FBXO43: variants seen among roughly 807,000 people sequenced by gnomAD.
FBXO43 encodes F-box only protein 43.
FBXO43 carries 22 observed loss-of-function variants against 56.7 expected under a neutral mutation model. That is an observed-to-expected ratio of 0.39 (90% CI 0.28 to 0.55). The LOEUF is 0.55. Ranked by LOEUF, FBXO43 falls within the 20% of genes least tolerant of loss-of-function variation. The pLI is 0.66. For synonymous variants in FBXO43, 306 were observed against 294.5 expected, an observed-to-expected ratio of 1.04 and a Z score of -0.40; for missense variants, 733 against 814.9, an observed-to-expected ratio of 0.90 and a Z score of 1.22.
intron 2 of FBXO43, 141 bp downstream of exon 2, chr8:100,140,542 C>T (rs969110513): frequency 2.1e-5 from 14 of 669,412 alleles, no homozygotes; most frequent in South Asian, 4.2e-5. Flanking sequence ...TCTGTTGGGA[C>T]GTTCACTTAA....
Position 100,141,571 on chromosome 8 carries a change from G to T in FBXO43, c.683C>A (p.Ser228Tyr). ...SCSQKLRLNF[S>Y]QQKTSTIDDS... ...ATCAATTGTGGAAGTCTTTTGCTGA[G>T]AAAAATTAAGCCTCAATTTTTGACT... Residue 228 changes from serine (S) to tyrosine (Y), a missense_variant, in exon 2 of 5, where the codon TCT (serine) becomes TAT (tyrosine). Ser to Tyr is a moderately radical substitution (Grantham distance 144). Coordinates refer to ENST00000428847, the MANE Select transcript of FBXO43 (RefSeq NM_001029860.4). 1 of 1,611,470 alleles carries T rather than the reference G, an allele frequency of 6.2e-7. No individual in the cohort carries two copies. Among genetic ancestry groups the T allele is most frequent in the Non-Finnish European group, 8.5e-7 (1 of 1,180,002 alleles).
At chr8:100,144,854 C>T (rs975689941) in intron 1 of FBXO43, among the ~76,000 whole-genome samples, 197 bp downstream of exon 1, 4 of 151,322 alleles carry the variant, frequency 2.6e-5, no homozygotes, top group East Asian at 1.9e-4. Flanking sequence ...ATGGCGTGAA[C>T]CCGGGAGGTG....
intron 2 of FBXO43, among the ~76,000 whole-genome samples, chr8:100,140,132 A>G (rs893021045): frequency 1.3e-5 from 2 of 152,238 alleles, no homozygotes; most frequent in African/African-American, 4.8e-5. Flanking sequence ...CAAGAACTTT[A>G]TTCAGAAAAA....
At chr8:100,144,628 G>GAA (rs912423794) in intron 1 of FBXO43, among the ~76,000 whole-genome samples, 7,343 of 113,226 alleles carry the variant, frequency 0.065, 566 homozygotes, top group African/African-American at 0.19. Flanking sequence ...TGTTCTTTAA[G>GAA]AAAAAAAAAA....
intron 1 of FBXO43, 122 bp from the exon 2 acceptor site, chr8:100,142,290 G>T: frequency 3.0e-6 from 3 of 988,002 alleles, no homozygotes; most frequent in South Asian, 2.9e-5. Context: ...TTTTTGAAAA[G>T]TTACTTTAAA....
Position 100,141,100 on chromosome 8 carries a change from G to A in FBXO43, c.1154C>T (p.Ser385Phe), listed in dbSNP as rs1814631648. ...TRHLGRSRRL[S>F]TLREQSSQSE... ...CTGCGAGCTTTGTTCCCGAAGGGTGGACAGTCTTCTCGACCTTCCAAGATG... is the reference window on the plus strand; with the variant it reads ...CTGCGAGCTTTGTTCCCGAAGGGTGAACAGTCTTCTCGACCTTCCAAGATG... The change falls in exon 2 of 5, where the codon TCC (serine) becomes TTC (phenylalanine). Residue 385 changes from serine to phenylalanine, a missense_variant. Physicochemically the swap from Ser to Phe is radical, Grantham distance 155. Coordinates refer to ENST00000428847, the MANE Select transcript of FBXO43 (RefSeq NM_001029860.4). 1.2e-6 allele frequency: 2 copies of A among 1,614,168 alleles called. No homozygotes were observed. Among genetic ancestry groups the A allele is most frequent in the East Asian group, 2.2e-5 (1 of 44,880 alleles).
Position 100,141,603 on chromosome 8 carries a change from A to C in FBXO43, c.651T>G (p.Thr217=). The change falls in exon 2 of 5, where the codon ACT becomes ACG. Residue 217 remains threonine (T), a synonymous_variant. Coordinates refer to ENST00000428847, the MANE Select transcript of FBXO43 (RefSeq NM_001029860.4). ...TAAGCCTCAATTTTTGACTGCATGAAGTCACTTCTTCTGTTTTTAAAGTGC... is the reference window on the plus strand; with the variant it reads ...TAAGCCTCAATTTTTGACTGCATGACGTCACTTCTTCTGTTTTTAAAGTGC... ...VTSTLKTEEV[T]SCSQKLRLNF... The C allele has an allele frequency of 8.1e-6, 13 of 1,612,696 alleles. No individual in the cohort carries two copies. The highest frequency in any genetic ancestry group is 1.1e-5 in the Non-Finnish European group (13 of 1,179,988).
In FBXO43 at chr8:100,133,607, A is replaced by G. The variant is rs933325733; in HGVS notation, c.*195T>C. On this transcript the variant is annotated 3_prime_UTR_variant, in exon 5 of 5. Coordinates refer to ENST00000428847, the MANE Select transcript of FBXO43 (RefSeq NM_001029860.4). ...AAATACCAAGTTATTAAAATGGGTA[A>G]AATGACATAGTAAAATAAAATTTTT... is the stretch of plus-strand genomic sequence containing the variant. 1 of 521,290 alleles carries G rather than the reference A, an allele frequency of 1.9e-6. No individual in the cohort carries two copies. The allele number at this position is 521,290 out of a possible 1,614,324, so 32.3% of individuals were successfully genotyped here. A position where few individuals can be genotyped will look rare whatever the true frequency, so the allele number is the denominator to read the frequency against.
chr8:100,142,275 G>T, intron 1 of FBXO43, 107 bp from the exon 2 acceptor site: 2 of 1,059,764 alleles, frequency 1.9e-6, no homozygotes, highest in Non-Finnish European at 2.5e-6. Context: ...AAAATTGTAT[G>T]ACAATTTTTG....
Position 100,133,760 on chromosome 8 carries a change from A to G in FBXO43, c.*42T>C, listed in dbSNP as rs775003507. 2 of 1,552,478 alleles carry G rather than the reference A, an allele frequency of 1.3e-6. No individual in the cohort carries two copies. Among genetic ancestry groups the G allele is most frequent in the Non-Finnish European group, 1.7e-6 (2 of 1,151,764 alleles). On this transcript the variant is annotated 3_prime_UTR_variant, in exon 5 of 5. Transcript: ENST00000428847. ...CAAAATATTCATAATTTTAAGTCAG[A>G]TAAATAGAACACTGCATGGGGGAGT...
At position 100,145,423 on chromosome 8, in the gene FBXO43, G is replaced by A. The variant is rs1814800765; in HGVS notation, c.-288C>T. On this transcript the variant is annotated 5_prime_UTR_variant, in exon 1 of 5. Transcript: ENST00000428847. ...TGCAGCCTGGCACTGACTCCCCCGA[G>A]GAGCTATGGCGGGCGGGTGGGTAAC... 3.6e-6 allele frequency: 1 copy of A among 275,772 alleles called. No individual in the cohort carries two copies. Among genetic ancestry groups the A allele is most frequent in the East Asian group, 6.9e-5 (1 of 14,482 alleles). 17.1% of individuals were successfully genotyped at this position (275,772 alleles called of 1,614,324 possible).
chr8:100,150,476 C>G (rs941144821), upstream of FBXO43: 1 of 152,252 alleles, frequency 6.6e-6, no homozygotes, highest in South Asian at 2.1e-4. Flanking sequence ...ATTAAAATAG[C>G]TGGGGACCAG....
At chr8:100,136,975 A>G (rs1205377528) in intron 3 of FBXO43, 1 of 152,298 alleles carries the variant, frequency 6.6e-6, no homozygotes, top group Non-Finnish European at 1.5e-5. Flanking sequence ...CATTATAATT[A>G]GGATCCAGCA....
intron 2 of FBXO43, 134 bp downstream of exon 2, chr8:100,140,549 T>C: frequency 1.4e-6 from 1 of 709,626 alleles, no homozygotes; most frequent in South Asian, 2.1e-5. Flanking sequence ...GGACGTTCAC[T>C]TAAACTATCT....
upstream of FBXO43, among the ~76,000 whole-genome samples, chr8:100,145,951 C>T (rs1353989876): frequency 6.6e-6 from 1 of 152,228 alleles, no homozygotes; most frequent in East Asian, 1.9e-4. Flanking sequence ...GGAGGAGCGC[C>T]CCCTCTCTCG....
intron 2 of FBXO43, among the ~76,000 whole-genome samples, chr8:100,138,146 G>A (rs534527276): frequency 1.3e-3 from 193 of 152,164 alleles, no homozygotes; most frequent in Non-Finnish European, 2.3e-3. Flanking sequence ...ATTATGGGTC[G>A]CACCACAGAG....
rs1036328591 is a variant in FBXO43 at position 100,141,886 on chromosome 8, G to C, written c.368C>G (p.Thr123Ser). The change falls in exon 2 of 5, where the codon ACT becomes AGT. Residue 123 changes from threonine (T) to serine (S), a missense_variant. Transcript: ENST00000428847. Reference protein sequence around the residue: ...LGLTHPLESPTQKKKCILPRK... With the variant: ...LGLTHPLESPSQKKKCILPRK... Reference sequence around the variant, plus strand: ...AGGCAAGATACATTTCTTTTTTTGAGTGGGAGATTCTAAAGGATGTGTTAA... The same window carrying C: ...AGGCAAGATACATTTCTTTTTTTGACTGGGAGATTCTAAAGGATGTGTTAA... 4.4e-6 allele frequency: 7 copies of C among 1,588,576 alleles called. No homozygotes were observed. Among genetic ancestry groups the C allele is most frequent in the Non-Finnish European group, 5.1e-6 (6 of 1,172,402 alleles).
At position 100,133,844 on chromosome 8, in the gene FBXO43, G is replaced by A. The variant is rs777735677; in HGVS notation, c.2085C>T (p.Leu695=). Residue 695 remains leucine (L), a synonymous_variant, in exon 5 of 5, where the codon CTC becomes CTT. Coordinates refer to ENST00000428847, the MANE Select transcript of FBXO43 (RefSeq NM_001029860.4). ...TCCGCTTACTCTGGGCACTTCCTGG[G>A]AGAGCATCTTTTCTATTTCTTGGCT... ...AAKPRNRKDA[L]PGSAQSKRNL... 6.2e-7 allele frequency: 1 copy of A among 1,614,124 alleles called. No homozygotes were observed. The highest frequency in any genetic ancestry group is 8.5e-7 in the Non-Finnish European group (1 of 1,180,012).
intron 3 of FBXO43, among the ~76,000 whole-genome samples, chr8:100,134,956 A>G (rs932360109): frequency 2.0e-5 from 3 of 152,232 alleles, no homozygotes; most frequent in Admixed American, 6.5e-5. Context: ...TTGGACTTAC[A>G]CAGAGGAGAC....
Sources: allele counts gnomAD v4.1 joint callset (sites outside exome capture counted in the v4.1 genomes callset), GRCh38; gene constraint gnomAD v4.1.1; transcripts MANE v1.5; gene names NCBI Gene and HGNC (gene_info 2026-07-23, HGNC 2026-07-21).